The following PTPRN2 variants were observed in gnomAD, a reference collection of about 807,000 sequenced individuals.
The protein encoded by PTPRN2 is protein tyrosine phosphatase receptor type N2.
In PTPRN2, 74 loss-of-function variants were observed where a neutral mutation model predicts 118.8. That is an observed-to-expected ratio of 0.62 (90% CI 0.52 to 0.76). PTPRN2 has a LOEUF of 0.76. Among genes scored for constraint, PTPRN2 ranks in the 30% least tolerant of loss-of-function variants. PTPRN2 has a pLI of 0.00. For missense variants in PTPRN2, 1,481 were observed against 1,394.4 expected, an observed-to-expected ratio of 1.06 and a Z score of -0.99; for synonymous variants, 641 against 608.0, an observed-to-expected ratio of 1.05 and a Z score of -0.80.
chr7:158,162,868 C>A (rs1188378421), intron 6 of PTPRN2, among the ~76,000 whole-genome samples: 1 of 152,170 alleles, frequency 6.6e-6, no homozygotes, highest in East Asian at 1.9e-4. Context: ...GTCTTCTCTC[C>A]CACTCTCTGA....
At chr7:158,065,583 G>C (rs1011565344) in intron 11 of PTPRN2, among the ~76,000 whole-genome samples, 3 of 152,204 alleles carry the variant, frequency 2.0e-5, no homozygotes, top group African/African-American at 7.2e-5. Context: ...TCAGACCCGG[G>C]GGGAGGGCAG....
At chr7:158,311,086 A>G (rs116624460) in intron 3 of PTPRN2, among the ~76,000 whole-genome samples, 1 of 152,142 alleles carries the variant, frequency 6.6e-6, no homozygotes, top group African/African-American at 2.4e-5. Context: ...AAGACAGGCG[A>G]GCACAGGGAG....
At chr7:157,768,873 A>G (rs1306824648) in intron 12 of PTPRN2, among the ~76,000 whole-genome samples, 1 of 152,176 alleles carries the variant, frequency 6.6e-6, no homozygotes, top group Non-Finnish European at 1.5e-5. Flanking sequence ...TTTAAAGAAC[A>G]AACATGCCCT....
chr7:157,751,175 C>T (rs149460978), intron 12 of PTPRN2, among the ~76,000 whole-genome samples: 10 of 152,266 alleles, frequency 6.6e-5, no homozygotes, highest in African/African-American at 1.4e-4. Flanking sequence ...ATTTCTTTCT[C>T]GGTTATAAAT....
intron 2 of PTPRN2, among the ~76,000 whole-genome samples, chr7:158,425,040 A>C (rs1290948334): frequency 6.6e-6 from 1 of 152,216 alleles, no homozygotes; most frequent in South Asian, 2.1e-4. Context: ...TCGGTAAAGG[A>C]GGGGACCCTC....
intron 2 of PTPRN2, among the ~76,000 whole-genome samples, chr7:158,481,350 C>T (rs751279539): frequency 2.0e-5 from 3 of 152,226 alleles, no homozygotes; most frequent in Non-Finnish European, 4.4e-5. Flanking sequence ...AGCAGTGCAC[C>T]AGTCACCCAA....
intron 2 of PTPRN2, among the ~76,000 whole-genome samples, chr7:158,415,107 C>CCAGCTACTTCTCTGATGATACAAA (rs1563265067): frequency 1.1e-5 from 1 of 91,032 alleles, no homozygotes; most frequent in African/African-American, 4.0e-5. Flanking sequence ...GATGATACAA[C>CCAGCTACTTCTCTGATGATACAAA]CAGCTACTTC....
chr7:157,787,758 T>C lies in PTPRN2; in HGVS notation c.1789-104821A>G, dbSNP rs1230897939. 2.0e-5 allele frequency among the ~76,000 whole-genome samples: 3 copies of C among 151,980 alleles called. No individual in the cohort carries two copies. Among genetic ancestry groups the C allele is most frequent in the Non-Finnish European group, 4.4e-5 (3 of 67,964 alleles). On this transcript the variant is annotated intron_variant, in intron 12 of 22. Coordinates refer to ENST00000389418, the MANE Select transcript of PTPRN2 (RefSeq NM_002847.5). The surrounding 1 kb of genome is among the most constrained non-coding windows in gnomAD (Gnocchi z 5.3). ...TGGCTGGGTGAGCCCAGCCCCATCT[T>C]TCCCTCGGACTTCATTTGTGCTCAT...
intron 11 of PTPRN2, among the ~76,000 whole-genome samples, chr7:158,079,367 A>G (rs141214068): frequency 1.8e-3 from 278 of 152,310 alleles, no homozygotes; most frequent in African/African-American, 6.2e-3. Context: ...TACATTTCCT[A>G]TGTGGCTCCC....
chr7:157,996,750 T>G (rs773179727), intron 11 of PTPRN2, among the ~76,000 whole-genome samples: 4 of 152,182 alleles, frequency 2.6e-5, no homozygotes, highest in Non-Finnish European at 4.4e-5. Flanking sequence ...AATCTGTGCT[T>G]GCAAAGAAAA....
chr7:157,905,924 C>G (rs774540164), intron 11 of PTPRN2, among the ~76,000 whole-genome samples: 3 of 152,112 alleles, frequency 2.0e-5, no homozygotes, highest in African/African-American at 4.8e-5. Flanking sequence ...CGAGCTGAAA[C>G]GACGTCCCCT....
intron 12 of PTPRN2, among the ~76,000 whole-genome samples, chr7:157,747,516 C>G (rs1432580058): frequency 2.8e-5 from 2 of 70,770 alleles, no homozygotes; most frequent in African/African-American, 6.8e-5. Flanking sequence ...GTGGGGTGTG[C>G]GGGTGATTCT....
At chr7:158,175,403 C>G (rs1378284500) in intron 5 of PTPRN2, among the ~76,000 whole-genome samples, 1 of 152,102 alleles carries the variant, frequency 6.6e-6, no homozygotes, top group South Asian at 2.1e-4. Context: ...CTTTCTGTCT[C>G]GGGCCTTAGA....
intron 2 of PTPRN2, among the ~76,000 whole-genome samples, chr7:158,476,426 A>T (rs144182497): frequency 6.6e-6 from 1 of 152,392 alleles, no homozygotes; most frequent in Non-Finnish European, 1.5e-5. Context: ...AGCTGTCCCA[A>T]CACAAGACAG....
At chr7:157,662,790 G>A (rs1795956387) in intron 13 of PTPRN2, among the ~76,000 whole-genome samples, 1 of 152,220 alleles carries the variant, frequency 6.6e-6, no homozygotes, top group Admixed American at 6.5e-5. Context: ...TTCGGAATGT[G>A]CTTTTCCAGG....
intron 1 of PTPRN2, among the ~76,000 whole-genome samples, chr7:158,543,438 A>G (rs1826111367): frequency 6.6e-6 from 1 of 152,220 alleles, no homozygotes; most frequent in Non-Finnish European, 1.5e-5. Flanking sequence ...TGTCTGCCAC[A>G]CACGTAGCTC....
chr7:157,588,533 C>T (rs1800805580), intron 17 of PTPRN2, among the ~76,000 whole-genome samples: 1 of 152,344 alleles, frequency 6.6e-6, no homozygotes, highest in East Asian at 1.9e-4. Flanking sequence ...GGGCTGGGGA[C>T]GCACTGTGGG....
At chr7:157,746,072 C>G (rs1024565797) in intron 12 of PTPRN2, among the ~76,000 whole-genome samples, 2 of 148,738 alleles carry the variant, frequency 1.3e-5, no homozygotes, top group Non-Finnish European at 3.0e-5. Flanking sequence ...GGACTCCCTA[C>G]ACCCCACAGT....
At chr7:158,405,971 C>T (rs907040706) in intron 2 of PTPRN2, among the ~76,000 whole-genome samples, 2 of 148,774 alleles carry the variant, frequency 1.3e-5, no homozygotes, top group African/African-American at 5.0e-5. Context: ...GACACGTGTC[C>T]GCACACTGAG....
Sources: gnomAD v4.1 joint callset for allele counts (sites outside exome capture counted in the v4.1 genomes callset) on GRCh38, gnomAD v4.1.1 for gene constraint, Gnocchi (gnomAD v3.1) non-coding constraint, MANE v1.5 for transcripts, NCBI Gene and HGNC (gene_info 2026-07-23, HGNC 2026-07-21) for gene names.